Variants in CFAP91 observed in about 807,000 individuals in gnomAD.
The protein encoded by CFAP91 is cilia- and flagella-associated protein 91.
CFAP91 carries 85 observed loss-of-function variants against 95.9 expected under a neutral mutation model. That is an observed-to-expected ratio of 0.89 (90% CI 0.74 to 1.06). The LOEUF (loss-of-function observed/expected upper bound fraction) is 1.06, where lower values mean the gene tolerates loss of function less well. Among genes scored for constraint, CFAP91 ranks in the 50% least tolerant of loss-of-function variants. The pLI is 0.00. For synonymous variants in CFAP91, 335 were observed against 327.5 expected, an observed-to-expected ratio of 1.02 and a Z score of -0.25; for missense variants, 962 against 943.4, an observed-to-expected ratio of 1.02 and a Z score of -0.26.
Position 119,745,647 on chromosome 3 carries a change from A to C in CFAP91, c.1902+1451A>C, listed in dbSNP as rs918591362. Reference sequence around the variant, plus strand: ...TGAGCTAATTGATCCATATAGATCCAACTTGCTTCCTGAATAAGAGGGTGG... The same window carrying C: ...TGAGCTAATTGATCCATATAGATCCCACTTGCTTCCTGAATAAGAGGGTGG... On this transcript the variant is annotated intron_variant, in intron 14 of 17. Coordinates refer to ENST00000273390, the MANE Select transcript of CFAP91 (RefSeq NM_033364.4). Among the ~76,000 whole-genome samples the C allele has an allele frequency of 2.0e-5, 3 of 152,250 alleles. No individual in the cohort carries two copies. In the East Asian group the frequency reaches 5.8e-4, roughly 29 times the overall value.
Position 119,703,064 on chromosome 3 carries a change from T to A in CFAP91, c.-35T>A, listed in dbSNP as rs7624404. On this transcript the variant is annotated 5_prime_UTR_variant, in exon 1 of 18. Transcript: ENST00000273390. ...CACGCAGTAGCCAGGCCTGACCCGCTGGTCCCTTGCTGGCGGGAGGAAAGA... is the reference window on the plus strand; with the variant it reads ...CACGCAGTAGCCAGGCCTGACCCGCAGGTCCCTTGCTGGCGGGAGGAAAGA... 0.13 allele frequency: 200,406 copies of A among 1,545,878 alleles called. 14,420 individuals are homozygous for A. Among genetic ancestry groups the A allele is most frequent in the East Asian group, 0.23 (9,436 of 40,888 alleles).
chr3:119,737,272 G>A (rs2054027455), intron 10 of CFAP91, 94 bp from the exon 11 acceptor site: 2 of 693,940 alleles, frequency 2.9e-6, no homozygotes, highest in African/African-American at 1.8e-5. Flanking sequence ...TCACCATTAT[G>A]TAATACATTC....
chr3:119,759,660 TA>T (rs1396287276), intron 17 of CFAP91, among the ~76,000 whole-genome samples: 1 of 151,950 alleles, frequency 6.6e-6, no homozygotes, highest in Non-Finnish European at 1.5e-5. Context: ...ACAAAACTAT[TA>T]AAAATAATAT....
chr3:119,703,595 A>C (rs2053301578), intron 1 of CFAP91, among the ~76,000 whole-genome samples: 1 of 152,246 alleles, frequency 6.6e-6, no homozygotes, highest in Non-Finnish European at 1.5e-5. Context: ...CTCTCTGGGC[A>C]AATCCAAGTT....
At chr3:119,750,287 T>G (rs766279696) in intron 16 of CFAP91, 4 of 152,302 alleles carry the variant, frequency 2.6e-5, no homozygotes, top group Non-Finnish European at 5.9e-5. Context: ...AATGAATAAT[T>G]ACATGTGAAC....
chr3:119,726,130 T>C, intron 6 of CFAP91, 41 bp from the exon 7 acceptor site: 1 of 1,547,438 alleles, frequency 6.5e-7, no homozygotes, highest in Non-Finnish European at 8.7e-7. Context: ...GGTGCATGGG[T>C]CAGCTCACTT....
rs762326701 is a variant in CFAP91 at position 119,739,325 on chromosome 3, T to C, written c.1532T>C (p.Met511Thr). ...KLLRGRVVQN[M>T]MFEGKEKRLE... ...CTCCGGGGCAGAGTCGTTCAGAACA[T>C]GGTGTGTAGGTCCAACCGCTGGCCC... The change falls in exon 12 of 18, where the codon ATG becomes ACG. Residue 511 changes from methionine (M) to threonine (T), a missense_variant and splice_region_variant. Met to Thr is a moderately conservative substitution (Grantham distance 81). Transcript: ENST00000273390. The C allele has an allele frequency of 6.9e-6, 11 of 1,601,320 alleles. No individual in the cohort carries two copies. In the African/African-American group the frequency reaches 1.2e-4, roughly 18 times the overall value.
At chr3:119,717,751 CTCT>C (rs1451641406) in intron 6 of CFAP91, among the ~76,000 whole-genome samples, 1 of 152,122 alleles carries the variant, frequency 6.6e-6, no homozygotes, top group African/African-American at 2.4e-5. Flanking sequence ...ATTACCCCAG[CTCT>C]TCTTCTCAAT....
intron 12 of CFAP91, 42 bp downstream of exon 12, chr3:119,739,368 A>T (rs1559761784): frequency 1.9e-6 from 3 of 1,586,476 alleles, no homozygotes; most frequent in Non-Finnish European, 2.6e-6. Flanking sequence ...CTCTTTTGAG[A>T]ATAAATTTTT....
chr3:119,718,693 A>G (rs2053624787), intron 6 of CFAP91, among the ~76,000 whole-genome samples: 1 of 152,196 alleles, frequency 6.6e-6, no homozygotes. Flanking sequence ...AAAGATGGAT[A>G]TTTTGTAGTA....
intron 12 of CFAP91, 144 bp from the exon 13 acceptor site, chr3:119,740,405 G>T: frequency 1.2e-6 from 1 of 867,346 alleles, no homozygotes; most frequent in East Asian, 2.5e-5. Flanking sequence ...CTAGCTCTGT[G>T]GGACACATCT....
At chr3:119,757,545 G>A (rs1169360814) in intron 17 of CFAP91, among the ~76,000 whole-genome samples, 1 of 152,124 alleles carries the variant, frequency 6.6e-6, no homozygotes, top group African/African-American at 2.4e-5. Flanking sequence ...TATTCGGGAA[G>A]CTGAGGCAGG....
At chr3:119,738,330 G>GTTTTTTTTTTTTTTT (rs1559761130) in intron 11 of CFAP91, among the ~76,000 whole-genome samples, 4 of 23,706 alleles carry the variant, frequency 1.7e-4, no homozygotes, top group Non-Finnish European at 3.7e-4. Flanking sequence ...TTGACATATT[G>GTTTTTTTTTTTTTTT]TCTTTTTTTT....
At chr3:119,708,524 A>G in intron 3 of CFAP91, 67 bp from the exon 4 acceptor site, 1 of 1,108,650 alleles carries the variant, frequency 9.0e-7, no homozygotes, top group Non-Finnish European at 1.4e-6. Context: ...TACACATAGA[A>G]ATATTAAATA....
At chr3:119,762,048 T>C (rs1436920955) in intron 17 of CFAP91, among the ~76,000 whole-genome samples, 3 of 151,944 alleles carry the variant, frequency 2.0e-5, no homozygotes, top group Non-Finnish European at 4.4e-5. Flanking sequence ...AGAAGTTAAA[T>C]TGTTTTTCTT....
At position 119,732,312 on chromosome 3, in the gene CFAP91, G is replaced by C; in HGVS notation, c.1037G>C (p.Gly346Ala). 1.9e-6 allele frequency: 3 copies of C among 1,601,460 alleles called. No homozygotes were observed. The highest frequency in any genetic ancestry group is 2.6e-6 in the Non-Finnish European group (3 of 1,173,630). ...ATTTCAGCAATCAGAAAACTTGTAG[G>C]AAAGAGAAAGAATATAGAAGGGAAG... ...THVSTIRKLV[G>A]KRKNIEGKLE... The change falls in exon 9 of 18, where the codon GGA becomes GCA. Residue 346 changes from glycine (G) to alanine (A), a missense_variant. Gly to Ala is a moderately conservative substitution (Grantham distance 60). Coordinates refer to ENST00000273390, the MANE Select transcript of CFAP91 (RefSeq NM_033364.4).
At chr3:119,733,064 A>G (rs964663428) in intron 9 of CFAP91, among the ~76,000 whole-genome samples, 1 of 152,220 alleles carries the variant, frequency 6.6e-6, no homozygotes, top group African/African-American at 2.4e-5. Flanking sequence ...GTGGCACCAC[A>G]TATCATAGAA....
chr3:119,722,386 G>A lies in CFAP91; in HGVS notation c.683-3785G>A, dbSNP rs377374876. ...AGGCAGGAGAATCACTTGAACCGAG[G>A]AGGAGGAGGTTTCAGTGAGCCAAGA... is the stretch of plus-strand genomic sequence containing the variant. On this transcript the variant is annotated intron_variant, in intron 6 of 17. Coordinates refer to ENST00000273390, the MANE Select transcript of CFAP91 (RefSeq NM_033364.4). 3.9e-5 allele frequency among the ~76,000 whole-genome samples: 6 copies of A among 152,160 alleles called. No individual in the cohort carries two copies. In the East Asian group the frequency reaches 1.2e-3, roughly 29 times the overall value.
chr3:119,704,341 A>G (rs1044814283), intron 1 of CFAP91, among the ~76,000 whole-genome samples: 1 of 152,188 alleles, frequency 6.6e-6, no homozygotes, highest in Non-Finnish European at 1.5e-5. Context: ...AGATCAAATA[A>G]AAGTTTGGAT....
Sources: allele counts gnomAD v4.1 joint callset (sites outside exome capture counted in the v4.1 genomes callset), GRCh38; gene constraint gnomAD v4.1.1; transcripts MANE v1.5; gene names NCBI Gene and HGNC (gene_info 2026-07-23, HGNC 2026-07-21).